The following MYH1 variants were observed in gnomAD, a reference collection of about 807,000 sequenced individuals.
The protein encoded by MYH1 is myosin-1.
MYH1 carries 214 observed loss-of-function variants against 225.6 expected under a neutral mutation model. The observed-to-expected ratio is 0.95, with a 90% CI of 0.85 to 1.06. The LOEUF (loss-of-function observed/expected upper bound fraction) is 1.06, where lower values mean the gene tolerates loss of function less well. Ranked by LOEUF, MYH1 falls within the 50% of genes least tolerant of loss-of-function variation. The pLI, the probability that MYH1 is intolerant of heterozygous loss-of-function variation, is 0.00. For missense variants in MYH1, 2,098 were observed against 2,344.2 expected (o/e 0.89, Z 2.17); for synonymous variants, 774 against 842.3 (o/e 0.92, Z 1.40).
chr17:10,506,924 T>C (rs1014457072), intron 17 of MYH1, among the ~76,000 whole-genome samples: 1 of 152,236 alleles, frequency 6.6e-6, no homozygotes. Context: ...ATGCCTATTC[T>C]GGGAATTGGT....
Position 10,501,877 on chromosome 17 carries a change from C to T in MYH1, c.3146G>A (p.Arg1049Gln), listed in dbSNP as rs776295792. The change falls in exon 25 of 40, where the codon CGG becomes CAG. Residue 1049 changes from arginine (R) to glutamine (Q), a missense_variant. Transcript: ENST00000226207. ...EGSLEQEKKI[R>Q]MDLERAKRKL... Reference sequence around the variant, plus strand: ...TCTCTTTGCTCTTTCTAGATCCATCCGGATTTTCTTTTCTTGTTCCAAAGA... The same window carrying T: ...TCTCTTTGCTCTTTCTAGATCCATCTGGATTTTCTTTTCTTGTTCCAAAGA... 9.3e-6 allele frequency: 15 copies of T among 1,608,514 alleles called. No individual in the cohort carries two copies. The highest frequency in any genetic ancestry group is 3.4e-5 in the Admixed American group (2 of 58,906).
chr17:10,514,975 G>T, intron 5 of MYH1, 80 bp from the exon 6 acceptor site: 1 of 1,256,788 alleles, frequency 8.0e-7, no homozygotes. Flanking sequence ...GGGCATTTGA[G>T]TATAAGTGTC....
chr17:10,508,067 G>A, intron 16 of MYH1, 111 bp from the exon 17 acceptor site: 1 of 883,232 alleles, frequency 1.1e-6, no homozygotes, highest in Non-Finnish European at 1.8e-6. Flanking sequence ...TGCCCAGGCT[G>A]GAGTGCAGTG....
In MYH1 at chr17:10,501,282, T is replaced by G; in HGVS notation, c.3566A>C (p.His1189Pro). 1 of 1,614,226 alleles carries G rather than the reference T, an allele frequency of 6.2e-7. No individual in the cohort carries two copies. ...RRDLEEATLQ[H>P]EATAATLRKK... is the part of the protein sequence containing the mutation. The stretch of plus-strand genomic sequence containing the variant: ...CCTCAGGGTGGCCGCCGTGGCTTCA[T>G]GCTGTAGGGTGGCCTCCTCCAGGTC... The change falls in exon 27 of 40, where the codon CAT (histidine) becomes CCT (proline). Residue 1189 changes from histidine to proline, a missense_variant. His to Pro is a moderately conservative substitution (Grantham distance 77). Transcript: ENST00000226207.
intron 14 of MYH1, 28 bp from the exon 15 acceptor site, chr17:10,509,683 A>C (rs763315615): frequency 6.2e-7 from 1 of 1,614,068 alleles, no homozygotes; most frequent in East Asian, 2.2e-5. Flanking sequence ...ACAAATTAGC[A>C]TTCAATTTAT....
Position 10,516,573 on chromosome 17 carries a change from G to A in MYH1, c.70C>T (p.Arg24Ter), listed in dbSNP as rs201854401. Residue 24 changes from arginine (R) to a stop codon, truncating the protein, a stop_gained, in exon 3 of 40, where the codon CGA becomes TGA. Coordinates refer to ENST00000226207, the MANE Select transcript of MYH1 (RefSeq NM_005963.4). LOFTEE classifies it high-confidence loss of function. ...APFLRKSERE[R>*]IEAQNKPFDA... ...AAAGGCTTGTTCTGGGCTTCAATTC[G>A]CTCCCTTTCAGACTTTCGGAGGAAA... The A allele has an allele frequency of 1.1e-4, 185 of 1,614,104 alleles. 1 individual carries two copies. The East Asian group carries it at 2.7e-3, about 23-fold the overall frequency.
chr17:10,497,586 T>C (rs908755355), intron 31 of MYH1, 134 bp from the exon 32 acceptor site: 41 of 1,479,828 alleles, frequency 2.8e-5, no homozygotes, highest in Middle Eastern at 1.8e-4. Flanking sequence ...ATAGAAACCA[T>C]AGGAGCACTT....
At chr17:10,509,847 C>T (rs2073154429) in intron 14 of MYH1, among the ~76,000 whole-genome samples, 192 bp from the exon 15 acceptor site, 1 of 152,092 alleles carries the variant, frequency 6.6e-6, no homozygotes, top group South Asian at 2.1e-4. Flanking sequence ...TGTCAACAAG[C>T]TCTGAATGAT....
In MYH1 at chr17:10,501,878, G is replaced by A. The variant is rs1424967316; in HGVS notation, c.3145C>T (p.Arg1049Trp). The A allele has an allele frequency of 3.7e-6, 6 of 1,608,132 alleles. No individual in the cohort carries two copies. Among genetic ancestry groups the A allele is most frequent in the African/African-American group, 2.7e-5 (2 of 74,480 alleles). ...CTCTTTGCTCTTTCTAGATCCATCCGGATTTTCTTTTCTTGTTCCAAAGAT... is the reference window on the plus strand; with the variant it reads ...CTCTTTGCTCTTTCTAGATCCATCCAGATTTTCTTTTCTTGTTCCAAAGAT... ...EGSLEQEKKI[R>W]MDLERAKRKL... The change falls in exon 25 of 40, where the codon CGG becomes TGG. Residue 1049 changes from arginine (R) to tryptophan (W), a missense_variant. Coordinates refer to ENST00000226207, the MANE Select transcript of MYH1 (RefSeq NM_005963.4).
chr17:10,511,034 C>T (rs942000367), intron 14 of MYH1, among the ~76,000 whole-genome samples: 3 of 150,380 alleles, frequency 2.0e-5, no homozygotes. Context: ...ATTGCTTTTT[C>T]TGTTCCTGCT....
At position 10,516,523 on chromosome 17, in the gene MYH1, C is replaced by G; in HGVS notation, c.120G>C (p.Val40=). ...KPFDAKTSVF[V]VDPKESFVKA... Reference sequence around the variant, plus strand: ...TCACAAAGGACTCCTTAGGGTCCACCACAAAGACTGATGTCTTGGCATCAA... The same window carrying G: ...TCACAAAGGACTCCTTAGGGTCCACGACAAAGACTGATGTCTTGGCATCAA... Residue 40 remains valine (V), a synonymous_variant, in exon 3 of 40, where the codon GTG becomes GTC. Transcript: ENST00000226207. 6.2e-7 allele frequency: 1 copy of G among 1,614,188 alleles called. No individual in the cohort carries two copies.
rs748060601 is a variant in MYH1 at position 10,495,047 on chromosome 17, C to G, written c.5350G>C (p.Glu1784Gln). 1.2e-6 allele frequency: 2 copies of G among 1,614,230 alleles called. No individual in the cohort carries two copies. Among genetic ancestry groups the G allele is most frequent in the Non-Finnish European group, 1.7e-6 (2 of 1,180,048 alleles). ...TGTTCCAGGTTCTTCTTCATCCGCT[C>G]CAGATGGGCGCTGGTGTCCTGTTCC... ...KKEQDTSAHLERMKKNLEQTV... is the reference protein window; with the variant it reads ...KKEQDTSAHLQRMKKNLEQTV... Residue 1784 changes from glutamate to glutamine, a missense_variant, in exon 37 of 40, where the codon GAG (glutamate) becomes CAG (glutamine). By Grantham distance (29) the Glu-to-Gln change is conservative. Transcript: ENST00000226207.
At position 10,496,102 on chromosome 17, in the gene MYH1, C is replaced by G. The variant is rs747076910; in HGVS notation, c.5017G>C (p.Glu1673Gln). Residue 1673 changes from glutamate to glutamine, a missense_variant, in exon 35 of 40, where the codon GAA (glutamate) becomes CAA (glutamine). Physicochemically the swap from Glu to Gln is conservative, Grantham distance 29. Coordinates refer to ENST00000226207, the MANE Select transcript of MYH1 (RefSeq NM_005963.4). ...CTGCGCTCCACCATAGCCAGCTGTT[C>G]CTTCAGGTCCTCCTGGCTCCGGAGA... ...DALRSQEDLKEQLAMVERRAN... is the reference protein window; with the variant it reads ...DALRSQEDLKQQLAMVERRAN... 2.5e-6 allele frequency: 4 copies of G among 1,614,136 alleles called. No individual in the cohort carries two copies. The South Asian group carries it at 4.4e-5, about 18-fold the overall frequency.
chr17:10,505,641 A>C, intron 19 of MYH1, 130 bp from the exon 20 acceptor site: 1 of 1,368,116 alleles, frequency 7.3e-7, no homozygotes. Flanking sequence ...CCCTTTATCT[A>C]TCCTCTGTTT....
At chr17:10,514,724 CCTTATAATAAAG>C in intron 6 of MYH1, 132 bp downstream of exon 6, 1 of 759,450 alleles carries the variant, frequency 1.3e-6, no homozygotes, top group Non-Finnish European at 2.3e-6. Flanking sequence ...GCAATGTAAA[CCTTATAATAAAG>C]CTAAACCAAT....
chr17:10,508,686 A>C lies in MYH1; in HGVS notation c.1588-14T>G, dbSNP rs768364258. The C allele has an allele frequency of 1.6e-5, 25 of 1,612,660 alleles. No homozygotes were observed. Among genetic ancestry groups the C allele is most frequent in the Non-Finnish European group, 2.1e-5 (25 of 1,179,380 alleles). ...GATGCCCATAGGCTGGAAGAATGAA[A>C]AGAAATAAATGCCACTTGAATTCTG... On this transcript the variant is annotated splice_polypyrimidine_tract_variant and intron_variant, in intron 15 of 39. Coordinates refer to ENST00000226207, the MANE Select transcript of MYH1 (RefSeq NM_005963.4).
In MYH1 at chr17:10,498,994, G is replaced by A. The variant is rs747378017; in HGVS notation, c.3964C>T (p.Gln1322Ter). The part of the protein sequence containing the change: ...FTQQIEELKR[Q>*]LEEEIKAKSA... ...CTTACCTTTATCTCCTCTTCAAGTT[G>A]CCTTTTCAGTTCCTCAATCTGTTGT... Residue 1322 changes from glutamine (Q) to a stop codon, truncating the protein, a stop_gained, in exon 29 of 40, where the codon CAA becomes TAA. Coordinates refer to ENST00000226207, the MANE Select transcript of MYH1 (RefSeq NM_005963.4). LOFTEE classifies it high-confidence loss of function. 1 of 1,613,146 alleles carries A rather than the reference G, an allele frequency of 6.2e-7. No individual in the cohort carries two copies. Among genetic ancestry groups the A allele is most frequent in the South Asian group, 1.1e-5 (1 of 91,054 alleles).
chr17:10,515,930 C>T lies in MYH1; in HGVS notation c.501G>A (p.Leu167=). Residue 167 remains leucine (L), a synonymous_variant, in exon 5 of 40, where the codon CTG becomes CTA. Transcript: ENST00000226207. ...AAAACCAGCTGAGCCACTCACCAGT[C>T]AGCATGAACTGATAGGCATTGTCAG... ...SISDNAYQFM[L]TDRENQSILI... 1.2e-6 allele frequency: 2 copies of T among 1,614,094 alleles called. No individual in the cohort carries two copies. Among genetic ancestry groups the T allele is most frequent in the Non-Finnish European group, 1.7e-6 (2 of 1,180,016 alleles).
At chr17:10,501,719 T>C (rs1361621775) in intron 25 of MYH1, 35 bp from the exon 26 acceptor site, 2 of 1,614,056 alleles carry the variant, frequency 1.2e-6, no homozygotes, top group Admixed American at 3.3e-5. Context: ...GTCTCAGAAA[T>C]ATTAAGAGTA....
Sources: gnomAD v4.1 joint callset for allele counts (sites outside exome capture counted in the v4.1 genomes callset) on GRCh38, gnomAD v4.1.1 for gene constraint, MANE v1.5 for transcripts, NCBI Gene and HGNC (gene_info 2026-07-23, HGNC 2026-07-21) for gene names.